ARHGEF18: variants seen among roughly 807,000 people sequenced by gnomAD.
The protein encoded by ARHGEF18 is rho guanine nucleotide exchange factor 18.
A neutral mutation model predicts 155.7 loss-of-function variants in ARHGEF18; 93 were observed. The observed-to-expected ratio is 0.60, with a 90% CI of 0.50 to 0.71. The LOEUF (loss-of-function observed/expected upper bound fraction) is 0.71. Among genes scored for constraint, ARHGEF18 ranks in the 30% least tolerant of loss-of-function variants. The pLI, the probability that ARHGEF18 is intolerant of heterozygous loss-of-function variation, is 0.00. For synonymous variants in ARHGEF18, 742 were observed against 753.1 expected (o/e 0.99, Z 0.24); for missense variants, 1,593 against 1,816.1 (o/e 0.88, Z 2.23).
Position 7,457,523 on chromosome 19 carries a change from C to T in ARHGEF18, c.2182-989C>T, listed in dbSNP as rs761516142. ...GATTACAGGCACCTGCCGCCACACCCGGCTACTTTTTGTATTTTTAGTAGA... is the reference window on the plus strand; with the variant it reads ...GATTACAGGCACCTGCCGCCACACCTGGCTACTTTTTGTATTTTTAGTAGA... On this transcript the variant is annotated intron_variant, in intron 18 of 28. Coordinates refer to ENST00000668164, the MANE Select transcript of ARHGEF18 (RefSeq NM_001367823.1). Among the ~76,000 whole-genome samples, 26 of 151,824 alleles carry T rather than the reference C, an allele frequency of 1.7e-4. No homozygotes were observed. The East Asian group carries it at 2.9e-3, about 17-fold the overall frequency.
At chr19:7,474,462 G>A (rs536973788), downstream of ARHGEF18, among the ~76,000 whole-genome samples, 2 of 151,972 alleles carry the variant, frequency 1.3e-5, no homozygotes, top group South Asian at 2.1e-4. Context: ...CACTGCAACC[G>A]CCGCCTCCCA....
chr19:7,404,188 G>T (rs1373674737), intron 10 of ARHGEF18, among the ~76,000 whole-genome samples: 1 of 152,094 alleles, frequency 6.6e-6, no homozygotes, highest in East Asian at 1.9e-4. Flanking sequence ...GGAATAGTAA[G>T]GAGCACCTTG....
chr19:7,468,991 T>C lies in ARHGEF18; in HGVS notation c.3647T>C (p.Ile1216Thr), dbSNP rs1056655132. Residue 1216 changes from isoleucine (I) to threonine (T), a missense_variant, in exon 27 of 29, where the codon ATC becomes ACC. Transcript: ENST00000668164. The part of the protein sequence containing the change: ...ENRLAKSDVP[I>T]QLLSATNQFQ... ...CGGCTGGCCAAGAGCGATGTGCCCA[T>C]CCAGCTGCTCAGCGCCACCAACCAG... 2 of 1,593,634 alleles carry C rather than the reference T, an allele frequency of 1.3e-6. No homozygotes were observed. The highest frequency in any genetic ancestry group is 1.7e-6 in the Non-Finnish European group (2 of 1,171,904).
At chr19:7,479,235 G>A in the ARHGEF18 span, among the ~76,000 whole-genome samples, 1 of 152,288 alleles carries the variant, frequency 6.6e-6, no homozygotes, top group Admixed American at 6.5e-5. Context: ...TGTAATCCCG[G>A]GACTTTGGGA....
downstream of ARHGEF18, among the ~76,000 whole-genome samples, chr19:7,474,452 C>T (rs1173667109): frequency 6.6e-6 from 1 of 152,126 alleles, no homozygotes; most frequent in African/African-American, 2.4e-5. Flanking sequence ...TATCTTGACT[C>T]ACTGCAACCG....
At chr19:7,473,804 G>A (rs796406114), downstream of ARHGEF18, among the ~76,000 whole-genome samples, 90 of 81,884 alleles carry the variant, frequency 1.1e-3, no homozygotes, top group African/African-American at 4.6e-3. Flanking sequence ...GCGAGACTCC[G>A]TCTCAAAAAA....
intron 10 of ARHGEF18, among the ~76,000 whole-genome samples, chr19:7,411,070 A>G (rs1229975224): frequency 6.6e-6 from 1 of 152,012 alleles, no homozygotes; most frequent in African/African-American, 2.4e-5. Context: ...TCCTGATACC[A>G]GAAAATAGTG....
intron 10 of ARHGEF18, among the ~76,000 whole-genome samples, chr19:7,432,022 C>G (rs1212087056): frequency 6.6e-6 from 1 of 152,132 alleles, no homozygotes; most frequent in African/African-American, 2.4e-5. Context: ...TACTTACCTT[C>G]TAAGCTGCAA....
chr19:7,456,429 A>G, intron 18 of ARHGEF18, 26 bp downstream of exon 18: 1 of 1,607,610 alleles, frequency 6.2e-7, no homozygotes, highest in Non-Finnish European at 8.5e-7. Context: ...CTTCAGACGA[A>G]GGGTCGGCTG....
intron 10 of ARHGEF18, among the ~76,000 whole-genome samples, chr19:7,426,534 A>G (rs551970346): frequency 6.6e-6 from 1 of 151,664 alleles, no homozygotes; most frequent in Non-Finnish European, 1.5e-5. Context: ...ATGAGAATTT[A>G]CTCTTAGGTA....
chr19:7,351,305 TTTTGTTTGTTTG>T (rs143178894), intron 1 of ARHGEF18, among the ~76,000 whole-genome samples: 55 of 150,422 alleles, frequency 3.7e-4, no homozygotes, highest in African/African-American at 1.2e-3. Context: ...AGTGGACTTC[TTTTGTTTGTTTG>T]TTTGTTTGTT....
At chr19:7,366,016 G>A (rs954945791) in intron 2 of ARHGEF18, among the ~76,000 whole-genome samples, 9 of 152,060 alleles carry the variant, frequency 5.9e-5, no homozygotes, top group Non-Finnish European at 1.2e-4. Context: ...CACAATCTCG[G>A]CTCACTGCAA....
At chr19:7,412,749 A>G (rs1022404335) in intron 10 of ARHGEF18, among the ~76,000 whole-genome samples, 2 of 151,520 alleles carry the variant, frequency 1.3e-5, no homozygotes, top group African/African-American at 4.8e-5. Context: ...CTCAAAAAAA[A>G]AAAAAAAGTA....
intron 4 of ARHGEF18, 123 bp from the exon 5 acceptor site, chr19:7,376,519 GA>G (rs1232700579): frequency 6.2e-6 from 3 of 480,488 alleles, no homozygotes; most frequent in Non-Finnish European, 3.3e-6. Context: ...CTGAGGCTTG[GA>G]TGAGTGTGTC....
At chr19:7,453,437 G>A in intron 16 of ARHGEF18, 30 bp from the exon 17 acceptor site, 5 of 1,559,742 alleles carry the variant, frequency 3.2e-6, no homozygotes, top group Non-Finnish European at 4.3e-6. Context: ...AAGTGGAAAA[G>A]AAAGACGCTA....
Position 7,453,657 on chromosome 19 carries a change from G to T in ARHGEF18, c.2046G>T (p.Gln682His), listed in dbSNP as rs749496230. 5 of 1,608,008 alleles carry T rather than the reference G, an allele frequency of 3.1e-6. No homozygotes were observed. In the South Asian group the frequency reaches 5.5e-5, roughly 18 times the overall value. ...CCTTCCGCAAGGAAGACATGCTTCAGCGGCAGCTCCACCTGGAGGGCATGC... is the reference window on the plus strand; with the variant it reads ...CCTTCCGCAAGGAAGACATGCTTCATCGGCAGCTCCACCTGGAGGGCATGC... Reference protein sequence around the residue: ...GLTFRKEDMLQRQLHLEGMLC... With the variant: ...GLTFRKEDMLHRQLHLEGMLC... The change falls in exon 17 of 29, where the codon CAG (glutamine) becomes CAT (histidine). Residue 682 changes from glutamine (Q) to histidine (H), a missense_variant. Transcript: ENST00000668164.
intron 10 of ARHGEF18, among the ~76,000 whole-genome samples, chr19:7,415,919 C>T (rs1013555550): frequency 1.3e-5 from 2 of 152,244 alleles, no homozygotes; most frequent in South Asian, 4.1e-4. Context: ...AACATGAATC[C>T]ATTCATATTG....
intron 10 of ARHGEF18, among the ~76,000 whole-genome samples, chr19:7,437,967 T>G (rs1427478516): frequency 4.6e-5 from 7 of 150,952 alleles, no homozygotes; most frequent in African/African-American, 1.7e-4. Flanking sequence ...TCTATTTCTC[T>G]TCTCTAAGCT....
At chr19:7,368,034 G>A (rs1015092315) in intron 2 of ARHGEF18, among the ~76,000 whole-genome samples, 3 of 147,316 alleles carry the variant, frequency 2.0e-5, no homozygotes, top group Non-Finnish European at 3.0e-5. Context: ...AGGAAGGAAG[G>A]AAGGAAGGAA....
Sources: gnomAD v4.1 joint callset for allele counts (sites outside exome capture counted in the v4.1 genomes callset) on GRCh38, gnomAD v4.1.1 for gene constraint, MANE v1.5 for transcripts, NCBI Gene and HGNC (gene_info 2026-07-23, HGNC 2026-07-21) for gene names.